The following OR56A3 variants were observed in gnomAD, a reference collection of about 807,000 sequenced individuals.
OR56A3 encodes olfactory receptor family 56 subfamily A member 3.
A neutral mutation model predicts 17.5 loss-of-function variants in OR56A3; 23 were observed. The ratio of observed to expected loss-of-function variants is 1.32; its 90% CI spans 0.95 to 1.87. The LOEUF is 1.87. Among genes scored for constraint, OR56A3 ranks in the 40% most tolerant of loss-of-function variants. The probability of loss-of-function intolerance (pLI) is 0.00; values close to 1 mark genes in which losing one functional copy is unlikely to be tolerated. For synonymous variants in OR56A3, 175 were observed against 150.6 expected (o/e 1.16, Z -1.19); for missense variants, 366 against 380.1 (o/e 0.96, Z 0.31).
chr11:5,990,895 C>T, the OR56A3 span, among the ~76,000 whole-genome samples: 6 of 152,108 alleles, frequency 3.9e-5, no homozygotes, highest in Non-Finnish European at 7.4e-5. Context: ...AATTCTCAGA[C>T]TCTGGAAGGT....
the OR56A3 span, among the ~76,000 whole-genome samples, chr11:5,982,571 C>T: frequency 2.0e-5 from 3 of 152,142 alleles, no homozygotes; most frequent in Non-Finnish European, 4.4e-5. Context: ...TCAGACTTGC[C>T]TGGTCGCACA....
the OR56A3 span, chr11:6,003,337 G>A: frequency 2.1e-6 from 1 of 473,998 alleles, no homozygotes; most frequent in African/African-American, 2.0e-5. Context: ...TTAAAAACCA[G>A]CAATCACAAG....
chr11:6,010,817 A>ATGTGTGTG, the OR56A3 span, among the ~76,000 whole-genome samples: 4 of 149,766 alleles, frequency 2.7e-5, no homozygotes, highest in Admixed American at 6.7e-5. Flanking sequence ...CAAGACAGAA[A>ATGTGTGTG]TGTGTGTGTG....
chr11:5,980,266 T>A, the OR56A3 span, among the ~76,000 whole-genome samples: 1 of 152,144 alleles, frequency 6.6e-6, no homozygotes, highest in Non-Finnish European at 1.5e-5. Flanking sequence ...CAGTCATCTG[T>A]ATGATACTAT....
At chr11:6,001,810 G>C in the OR56A3 span, 13,354 of 435,640 alleles carry the variant, frequency 0.031, 1,414 homozygotes, top group African/African-American at 0.24. Context: ...TTGCAGATTA[G>C]ATCAGGAAAA....
chr11:5,942,942 G>A (rs1847847862), intron 1 of OR56A3, among the ~76,000 whole-genome samples: 1 of 152,230 alleles, frequency 6.6e-6, no homozygotes. Flanking sequence ...AGCCTAGGCT[G>A]ATGGTCTCTC....
chr11:6,021,606 C>T, the OR56A3 span: 1 of 151,944 alleles, frequency 6.6e-6, no homozygotes, highest in Non-Finnish European at 1.5e-5. Context: ...TGCAGTGTCA[C>T]TCCAAAAGAA....
the OR56A3 span, among the ~76,000 whole-genome samples, chr11:6,018,754 A>G: frequency 1.3e-5 from 1 of 76,224 alleles, no homozygotes; most frequent in Non-Finnish European, 2.6e-5. Context: ...TGATTTTTGG[A>G]AAAGATAAAC....
At chr11:5,946,913 C>T (rs1341837489) in intron 2 of OR56A3, among the ~76,000 whole-genome samples, 1 of 152,096 alleles carries the variant, frequency 6.6e-6, no homozygotes, top group Admixed American at 6.6e-5. Flanking sequence ...TTTATTTGAG[C>T]TTATTGCAAT....
At chr11:6,004,586 A>G in the OR56A3 span, among the ~76,000 whole-genome samples, 1 of 152,242 alleles carries the variant, frequency 6.6e-6, no homozygotes, top group African/African-American at 2.4e-5. Context: ...TACAATATAC[A>G]TTATTTAAAA....
chr11:5,977,694 C>T, the OR56A3 span, among the ~76,000 whole-genome samples: 1 of 152,108 alleles, frequency 6.6e-6, no homozygotes, highest in Non-Finnish European at 1.5e-5. Context: ...ATTTATTTTG[C>T]TGTGCAAAGT....
At chr11:5,965,128 A>G in the OR56A3 span, among the ~76,000 whole-genome samples, 1 of 152,336 alleles carries the variant, frequency 6.6e-6, no homozygotes, top group Non-Finnish European at 1.5e-5. Context: ...TCCTATTCCA[A>G]TATTTTGCTC....
chr11:6,003,064 A>T, the OR56A3 span: 5 of 1,613,580 alleles, frequency 3.1e-6, no homozygotes, highest in South Asian at 5.5e-5. Context: ...AAACATAAAA[A>T]GTACATTCTA....
chr11:6,021,827 C>T, the OR56A3 span: 1 of 152,010 alleles, frequency 6.6e-6, no homozygotes, highest in Non-Finnish European at 1.5e-5. Flanking sequence ...AAACTTGTCC[C>T]CCTCTCAGTA....
chr11:5,968,625 A>C, the OR56A3 span: 1 of 688,904 alleles, frequency 1.5e-6, no homozygotes, highest in Non-Finnish European at 2.4e-6. Flanking sequence ...TGAGATACAG[A>C]TGACCAATCC....
the OR56A3 span, among the ~76,000 whole-genome samples, chr11:6,005,171 C>A: frequency 6.6e-6 from 1 of 152,042 alleles, no homozygotes; most frequent in Non-Finnish European, 1.5e-5. Flanking sequence ...TGATACGTAA[C>A]TTTAGGTGTT....
At chr11:5,980,588 A>G in the OR56A3 span, among the ~76,000 whole-genome samples, 1 of 152,136 alleles carries the variant, frequency 6.6e-6, no homozygotes, top group African/African-American at 2.4e-5. Flanking sequence ...ATGTGAGACA[A>G]GGCTCTTGAA....
chr11:5,963,972 T>C, the OR56A3 span, among the ~76,000 whole-genome samples: 1 of 152,182 alleles, frequency 6.6e-6, no homozygotes, highest in African/African-American at 2.4e-5. Context: ...AGATTCTTTC[T>C]TCTGCTTCAG....
At chr11:6,018,286 C>A in the OR56A3 span, among the ~76,000 whole-genome samples, 1 of 152,180 alleles carries the variant, frequency 6.6e-6, no homozygotes, top group Admixed American at 6.5e-5. Flanking sequence ...AATATACATT[C>A]ATCTCATCAG....
Sources: allele counts gnomAD v4.1 joint callset (sites outside exome capture counted in the v4.1 genomes callset), GRCh38; gene constraint gnomAD v4.1.1; transcripts MANE v1.5; gene names NCBI Gene and HGNC (gene_info 2026-07-23, HGNC 2026-07-21).